The following NAALADL2 variants were observed in gnomAD, a reference collection of about 807,000 sequenced individuals.
NAALADL2 encodes the protein inactive N-acetylated-alpha-linked acidic dipeptidase-like protein 2.
A neutral mutation model predicts 87.2 loss-of-function variants in NAALADL2; 76 were observed. The observed-to-expected ratio is 0.87, with a 90% CI of 0.72 to 1.05. NAALADL2 has a LOEUF of 1.05. Ranked by LOEUF, NAALADL2 falls within the 50% of genes least tolerant of loss-of-function variation. The pLI, the probability that NAALADL2 is intolerant of heterozygous loss-of-function variation, is 0.00. For synonymous variants in NAALADL2, 354 were observed against 331.0 expected, an observed-to-expected ratio of 1.07 and a Z score of -0.75; for missense variants, 1,089 against 945.8, an observed-to-expected ratio of 1.15 and a Z score of -1.99.
At chr3:175,252,685 G>A (rs1057365966) in intron 3 of NAALADL2, among the ~76,000 whole-genome samples, 1 of 152,162 alleles carries the variant, frequency 6.6e-6, no homozygotes, top group Non-Finnish European at 1.5e-5. Flanking sequence ...TAGATCCCTT[G>A]TGTCAAACAG....
chr3:175,165,713 A>G (rs1280192691), intron 2 of NAALADL2, among the ~76,000 whole-genome samples: 1 of 152,130 alleles, frequency 6.6e-6, no homozygotes, highest in Non-Finnish European at 1.5e-5. Context: ...TTATCATGGA[A>G]GGCCCTGCAC....
At chr3:174,870,023 A>G (rs2109602232) in intron 1 of NAALADL2, among the ~76,000 whole-genome samples, 1 of 151,548 alleles carries the variant, frequency 6.6e-6, no homozygotes, top group East Asian at 1.9e-4. Flanking sequence ...AAAAAAAAAA[A>G]AAAAAAAGGC....
chr3:175,256,619 G>A, intron 4 of NAALADL2, 89 bp downstream of exon 4: 2 of 1,312,716 alleles, frequency 1.5e-6, no homozygotes, highest in Non-Finnish European at 2.1e-6. Flanking sequence ...TGGAGTGTGT[G>A]TGTGCATATA....
chr3:174,971,810 GTC>G (rs1743697821), intron 1 of NAALADL2, among the ~76,000 whole-genome samples: 1 of 151,980 alleles, frequency 6.6e-6, no homozygotes, highest in African/African-American at 2.4e-5. Flanking sequence ...CAATTCTCCT[GTC>G]TCAGCTTCCC....
At position 175,138,918 on chromosome 3, in the gene NAALADL2, A is replaced by ATATG. The variant is rs1553787382; in HGVS notation, c.545+41630_545+41631insGTAT. ...TATATATATATATATATATATATAT[A>ATATG]TATATATGATAGTGAAGGTTTTATT... On this transcript the variant is annotated intron_variant, in intron 2 of 13. Coordinates refer to ENST00000454872, the MANE Select transcript of NAALADL2 (RefSeq NM_207015.3). 8.5e-3 allele frequency among the ~76,000 whole-genome samples: 1,161 copies of ATATG among 136,362 alleles called. 15 individuals carry two copies. Among genetic ancestry groups the ATATG allele is most frequent in the South Asian group, 0.043 (184 of 4,260 alleles). 89.5% of individuals were successfully genotyped at this position (136,362 alleles called of 152,430 possible). A position where few individuals can be genotyped will look rare whatever the true frequency, so the allele number is the denominator to read the frequency against.
intron 2 of NAALADL2, among the ~76,000 whole-genome samples, chr3:174,606,036 C>T (rs1463214395): frequency 1.1e-4 from 17 of 152,178 alleles, no homozygotes; most frequent in Admixed American, 7.2e-4. Context: ...CTGCAGCCAC[C>T]GCTGCTGATA....
At chr3:175,290,320 G>A (rs1202448289) in intron 4 of NAALADL2, among the ~76,000 whole-genome samples, 2 of 152,200 alleles carry the variant, frequency 1.3e-5, no homozygotes, top group East Asian at 3.9e-4. Context: ...ACAATGGAAT[G>A]TGAATGAAAA....
chr3:175,582,148 T>G (rs958113515), intron 10 of NAALADL2, among the ~76,000 whole-genome samples: 4 of 151,974 alleles, frequency 2.6e-5, no homozygotes, highest in African/African-American at 4.8e-5. Flanking sequence ...AAAGGAAGCC[T>G]GTTAAAATTA....
rs963608550 is a variant in NAALADL2 at position 174,492,982 on chromosome 3, A to C, written c.-184+51950A>C. On this transcript the variant is annotated intron_variant, in intron 1 of 3. Transcript: ENST00000434257. ...GACTGTAGTGCAAGGATTGGGTTTC[A>C]AAACCACTGTTAGAGACTTTAAGGA... is the stretch of plus-strand genomic sequence containing the variant. Among the ~76,000 whole-genome samples the C allele has an allele frequency of 2.0e-4, 31 of 152,344 alleles. 1 individual carries two copies. The highest frequency in any genetic ancestry group is 1.8e-3 in the Admixed American group (27 of 15,300).
intron 1 of NAALADL2, among the ~76,000 whole-genome samples, chr3:174,948,941 G>A (rs540437827): frequency 6.6e-6 from 1 of 152,168 alleles, no homozygotes; most frequent in Non-Finnish European, 1.5e-5. Flanking sequence ...CAAGATCAAG[G>A]TGCTGGTGAA....
At chr3:174,539,105 T>TCA (rs1402893285) in intron 1 of NAALADL2, among the ~76,000 whole-genome samples, 1 of 152,136 alleles carries the variant, frequency 6.6e-6, no homozygotes, top group Non-Finnish European at 1.5e-5. Flanking sequence ...AACAATCTAA[T>TCA]AATATGTGTC....
At chr3:175,679,929 G>T (rs1215137591) in intron 11 of NAALADL2, among the ~76,000 whole-genome samples, 2 of 151,972 alleles carry the variant, frequency 1.3e-5, no homozygotes, top group Non-Finnish European at 1.5e-5. Context: ...GAATCAACTT[G>T]ATAGGAAAAA....
intron 5 of NAALADL2, among the ~76,000 whole-genome samples, chr3:175,396,470 C>A (rs182810343): frequency 6.6e-6 from 1 of 152,088 alleles, no homozygotes; most frequent in Non-Finnish European, 1.5e-5. Context: ...AATACATCCA[C>A]GGTGTGAATT....
intron 11 of NAALADL2, among the ~76,000 whole-genome samples, chr3:175,720,219 C>G (rs1742037950): frequency 6.6e-6 from 1 of 151,872 alleles, no homozygotes; most frequent in African/African-American, 2.4e-5. Flanking sequence ...ACAATCGATG[C>G]TGAAATAAAC....
At chr3:175,624,267 T>A (rs1010569082) in intron 10 of NAALADL2, among the ~76,000 whole-genome samples, 1 of 152,064 alleles carries the variant, frequency 6.6e-6, no homozygotes, top group African/African-American at 2.4e-5. Flanking sequence ...AACTTATTAA[T>A]ACAACCAAAC....
intron 4 of NAALADL2, among the ~76,000 whole-genome samples, chr3:175,323,282 G>T (rs1560358341): frequency 7.3e-6 from 1 of 136,126 alleles, no homozygotes; most frequent in Non-Finnish European, 1.5e-5. Flanking sequence ...GGTGGGAATT[G>T]AACAATGAGA....
At chr3:175,634,718 G>A (rs911215904) in intron 11 of NAALADL2, among the ~76,000 whole-genome samples, 1 of 151,824 alleles carries the variant, frequency 6.6e-6, no homozygotes, top group Non-Finnish European at 1.5e-5. Flanking sequence ...AATAAAATAT[G>A]AAAATATTGT....
chr3:175,428,627 C>G (rs915188767), intron 5 of NAALADL2, among the ~76,000 whole-genome samples: 7 of 152,100 alleles, frequency 4.6e-5, no homozygotes, highest in African/African-American at 1.7e-4. Context: ...CTTCTTCATT[C>G]TGGCTCCTAA....
At chr3:175,111,362 T>A (rs1460362449) in intron 2 of NAALADL2, among the ~76,000 whole-genome samples, 3 of 151,672 alleles carry the variant, frequency 2.0e-5, no homozygotes. Flanking sequence ...ACACTCAGTG[T>A]TTAATAGAGG....
Sources: gnomAD v4.1 joint callset for allele counts (sites outside exome capture counted in the v4.1 genomes callset) on GRCh38, gnomAD v4.1.1 for gene constraint, MANE v1.5 for transcripts, NCBI Gene and HGNC (gene_info 2026-07-23, HGNC 2026-07-21) for gene names.